Variants in TRPC5OS observed in about 807,000 individuals in gnomAD.
The protein encoded by TRPC5OS is putative uncharacterized protein TRPC5OS.
For missense variants in TRPC5OS, 64 were observed against 79.3 expected, an observed-to-expected ratio of 0.81 and a Z score of 0.73; for synonymous variants, 30 against 29.3, an observed-to-expected ratio of 1.02 and a Z score of -0.08.
At chrX:111,891,460 G>A (rs1047724116) in intron 1 of TRPC5OS, among the ~76,000 whole-genome samples, 2 of 112,212 alleles carry the variant, frequency 1.8e-5, no homozygotes, top group Admixed American at 1.9e-4. Context: ...CAATCTTGAC[G>A]AGTCAGTTAC....
Position 111,901,704 on chromosome X carries a change from C to T in TRPC5OS, c.-146C>T, listed in dbSNP as rs1341827156. Reference sequence around the variant, plus strand: ...CTACTGTTCTCATTCTTTACTTGATCACCATCATAATCATATCAACATCCT... The same window carrying T: ...CTACTGTTCTCATTCTTTACTTGATTACCATCATAATCATATCAACATCCT... On this transcript the variant is annotated 5_prime_UTR_variant, in exon 4 of 4. Coordinates refer to ENST00000635763, the MANE Select transcript of TRPC5OS (RefSeq NM_001195578.2). 1 of 412,768 alleles carries T rather than the reference C, an allele frequency of 2.4e-6. No homozygotes were observed. The highest frequency in any genetic ancestry group is 4.7e-5 in the Admixed American group (1 of 21,407). The allele number at this position is 412,768 out of a possible 1,213,427, so 34.0% of individuals were successfully genotyped here. A position where few individuals can be genotyped will look rare whatever the true frequency, so the allele number is the denominator to read the frequency against.
At chrX:111,895,547 C>T (rs1569527601) in intron 1 of TRPC5OS, among the ~76,000 whole-genome samples, 1 of 110,231 alleles carries the variant, frequency 9.1e-6, no homozygotes, top group South Asian at 3.9e-4. Context: ...GTTTTTTGTC[C>T]TCTGGGAAAT....
At chrX:111,883,125 C>G (rs1924310562) in intron 1 of TRPC5OS, among the ~76,000 whole-genome samples, 1 of 111,025 alleles carries the variant, frequency 9.0e-6, no homozygotes, top group South Asian at 3.8e-4. Context: ...CAGCCTAAGC[C>G]TACTTCCGGT....
rs188091210 is a variant in TRPC5OS at position 111,894,247 on chromosome X, G to A, written c.-545-1704G>A. Among the ~76,000 whole-genome samples the A allele has an allele frequency of 3.5e-3, 388 of 111,735 alleles. 2 individuals carry two copies. The highest frequency in any genetic ancestry group is 0.012 in the African/African-American group (379 of 30,810). On this transcript the variant is annotated intron_variant, in intron 1 of 3. Transcript: ENST00000635763. ...TATAAAGATAGACCCAGAGGATTTG[G>A]ATTTCTTTGCTCCTTTTCCATCCTA...
At chrX:111,892,762 G>T (rs1380382064) in intron 1 of TRPC5OS, among the ~76,000 whole-genome samples, 1 of 111,651 alleles carries the variant, frequency 9.0e-6, no homozygotes, top group Non-Finnish European at 1.9e-5. Flanking sequence ...GAGATGAATT[G>T]TGTCTCTGGC....
At chrX:111,900,568 G>A (rs1173312921) in intron 3 of TRPC5OS, among the ~76,000 whole-genome samples, 1 of 111,467 alleles carries the variant, frequency 9.0e-6, no homozygotes, top group Non-Finnish European at 1.9e-5. Flanking sequence ...TGGAATGAGA[G>A]GGGAGATAAT....
At chrX:111,895,894 G>A (rs1472331485) in intron 1 of TRPC5OS, 57 bp from the exon 2 acceptor site, 1 of 111,424 alleles carries the variant, frequency 9.0e-6, no homozygotes, top group Non-Finnish European at 1.9e-5. Flanking sequence ...TTTGGGAGTG[G>A]TTTTGATCTT....
At chrX:111,882,367 G>C (rs1031012727) in intron 1 of TRPC5OS, among the ~76,000 whole-genome samples, 1 of 112,271 alleles carries the variant, frequency 8.9e-6, no homozygotes, top group Non-Finnish European at 1.9e-5. Flanking sequence ...TCTTGTCTCT[G>C]ACTTCTTTAT....
At chrX:111,886,905 GA>G (rs1924531623) in intron 1 of TRPC5OS, among the ~76,000 whole-genome samples, 1 of 113,016 alleles carries the variant, frequency 8.8e-6, no homozygotes, top group African/African-American at 3.2e-5. Context: ...CACCCCTGCA[GA>G]ATGCAGCAGC....
At chrX:111,881,498 A>G (rs1924218852) in intron 1 of TRPC5OS, among the ~76,000 whole-genome samples, 1 of 111,615 alleles carries the variant, frequency 9.0e-6, no homozygotes, top group African/African-American at 3.3e-5. Context: ...AGTTTGTTAC[A>G]AATTTGTTAC....
rs1050894112 is a variant in TRPC5OS at position 111,895,972 on chromosome X, C to T, written c.-524C>T. 1.8e-5 allele frequency: 2 copies of T among 111,107 alleles called. No individual in the cohort carries two copies. Among genetic ancestry groups the T allele is most frequent in the African/African-American group, 6.6e-5 (2 of 30,490 alleles). 9.2% of individuals were successfully genotyped at this position (111,107 alleles called of 1,213,427 possible). A position where few individuals can be genotyped will look rare whatever the true frequency, so the allele number is the denominator to read the frequency against. On this transcript the variant is annotated 5_prime_UTR_variant, in exon 2 of 4. Coordinates refer to ENST00000635763, the MANE Select transcript of TRPC5OS (RefSeq NM_001195578.2). ...CTAGGTAACCTTTTAAGGTGGAGAC[C>T]GGTGGCCTGTTTGGGGCAGTTCCCC... is the stretch of plus-strand genomic sequence containing the variant.
At chrX:111,877,923 T>C in intron 1 of TRPC5OS, among the ~76,000 whole-genome samples, 1 of 111,260 alleles carries the variant, frequency 9.0e-6, no homozygotes, top group East Asian at 2.8e-4. Flanking sequence ...TGAGGGTTGA[T>C]GTAGATTAAT....
rs1234829815 is a variant in TRPC5OS at position 111,902,985 on chromosome X, A to T, written c.*800A>T. The T allele has an allele frequency of 8.9e-6, 1 of 111,978 alleles. No homozygotes were observed. The highest frequency in any genetic ancestry group is 3.2e-5 in the African/African-American group (1 of 30,861). 9.2% of individuals were successfully genotyped at this position (111,978 alleles called of 1,213,427 possible). ...GGACTATTCACCAATGGAAAGACAA[A>T]CACTCACCATATTGGACTAAATATC... On this transcript the variant is annotated 3_prime_UTR_variant, in exon 4 of 4. Transcript: ENST00000635763.
At chrX:111,895,428 G>A in intron 1 of TRPC5OS, among the ~76,000 whole-genome samples, 1 of 111,718 alleles carries the variant, frequency 9.0e-6, no homozygotes, top group Non-Finnish European at 1.9e-5. Context: ...TGAATGTAGT[G>A]GATAGAAGTC....
At chrX:111,901,209 G>T (rs990899966) in intron 3 of TRPC5OS, among the ~76,000 whole-genome samples, 17 of 111,715 alleles carry the variant, frequency 1.5e-4, no homozygotes, top group African/African-American at 5.2e-4. Context: ...GCAGCACCCA[G>T]ATATAAATGG....
chrX:111,900,132 G>C (rs761938283), intron 3 of TRPC5OS, among the ~76,000 whole-genome samples: 10 of 112,069 alleles, frequency 8.9e-5, no homozygotes, highest in African/African-American at 3.2e-4. Flanking sequence ...TCTGGCTGAT[G>C]ATTTTCTGTA....
chrX:111,897,432 C>G (rs1347660728), intron 3 of TRPC5OS, among the ~76,000 whole-genome samples: 1 of 110,796 alleles, frequency 9.0e-6, no homozygotes, highest in East Asian at 2.8e-4. Flanking sequence ...CTTTAGAGTA[C>G]CATTCAATGA....
chrX:111,895,017 G>C (rs779710533), intron 1 of TRPC5OS, among the ~76,000 whole-genome samples: 1 of 111,278 alleles, frequency 9.0e-6, no homozygotes, highest in Non-Finnish European at 1.9e-5. Context: ...CCTGTATCTT[G>C]GTGGATATTT....
At chrX:111,893,942 G>A (rs1924935531) in intron 1 of TRPC5OS, among the ~76,000 whole-genome samples, 1 of 111,827 alleles carries the variant, frequency 8.9e-6, no homozygotes, top group Non-Finnish European at 1.9e-5. Context: ...TGCCCTTTGT[G>A]GATAAAGTTC....
Sources: allele counts gnomAD v4.1 joint callset (sites outside exome capture counted in the v4.1 genomes callset), GRCh38; gene constraint gnomAD v4.1.1; transcripts MANE v1.5; gene names NCBI Gene and HGNC (gene_info 2026-07-23, HGNC 2026-07-21).